Variants in CCDC138 observed in about 807,000 individuals in gnomAD.
The protein encoded by CCDC138 is coiled-coil domain containing 138.
In CCDC138, 66 loss-of-function variants were observed where a neutral mutation model predicts 82.3. That is an observed-to-expected ratio of 0.80 (90% CI 0.66 to 0.98). The LOEUF is 0.98. Ranked by LOEUF, CCDC138 falls within the 50% of genes least tolerant of loss-of-function variation. The pLI is 0.00. For synonymous variants in CCDC138, 297 were observed against 265.4 expected, an observed-to-expected ratio of 1.12 and a Z score of -1.16; for missense variants, 816 against 758.9, an observed-to-expected ratio of 1.08 and a Z score of -0.88.
chr2:108,804,712 G>A (rs1425239412), intron 6 of CCDC138, 177 bp from the exon 7 acceptor site: 1 of 174,902 alleles, frequency 5.7e-6, no homozygotes. Flanking sequence ...TTGTTATCTT[G>A]GTAGATTGCA....
chr2:108,866,095 C>G lies in CCDC138; in HGVS notation c.1694-7356C>G, dbSNP rs115553284. On this transcript the variant is annotated intron_variant, in intron 13 of 14. Transcript: ENST00000295124. ...TGGCTTTGATGTGACTGGTTTCACA[C>G]CTACTGGGATGCAGGAGCCTCTTAA... Among the ~76,000 whole-genome samples the G allele has an allele frequency of 8.9e-3, 1,361 of 152,204 alleles. 14 individuals are homozygous for G. Among genetic ancestry groups the G allele is most frequent in the Non-Finnish European group, 0.013 (916 of 68,008 alleles).
chr2:108,873,912 A>T (rs1695643236), intron 14 of CCDC138, among the ~76,000 whole-genome samples: 2 of 151,760 alleles, frequency 1.3e-5, no homozygotes, highest in Admixed American at 6.6e-5. Flanking sequence ...TTTGATTATT[A>T]AAAAAAAATT....
At chr2:108,869,097 A>G (rs1694860913) in intron 13 of CCDC138, among the ~76,000 whole-genome samples, 2 of 152,262 alleles carry the variant, frequency 1.3e-5, no homozygotes, top group South Asian at 4.2e-4. Context: ...GCAAAATTCA[A>G]ACATCAGCAA....
rs149219807 is a variant in CCDC138, at chr2:108,849,744, C to T, written c.1516+2814C>T. Among the ~76,000 whole-genome samples the T allele has an allele frequency of 1.3e-3, 192 of 152,324 alleles. 3 individuals are homozygous for T. Among genetic ancestry groups the T allele is most frequent in the African/African-American group, 4.5e-3 (188 of 41,546 alleles). ...CAAGAGTTCTCCCTTTCCTTATAGT[C>T]TGGCCTCTCCCAGCCTAGGCACAAG... On this transcript the variant is annotated intron_variant, in intron 12 of 14. Coordinates refer to ENST00000295124, the MANE Select transcript of CCDC138 (RefSeq NM_144978.3).
intron 10 of CCDC138, among the ~76,000 whole-genome samples, chr2:108,824,916 A>G (rs902032699): frequency 6.6e-6 from 1 of 152,194 alleles, no homozygotes; most frequent in East Asian, 1.9e-4. Context: ...GTTGACCGAA[A>G]TGTTATGCAG....
chr2:108,852,081 A>G (rs1036349113), intron 12 of CCDC138, among the ~76,000 whole-genome samples: 2 of 152,160 alleles, frequency 1.3e-5, no homozygotes, highest in Admixed American at 6.5e-5. Context: ...AGCACTTACT[A>G]TGTTATAGGC....
intron 11 of CCDC138, among the ~76,000 whole-genome samples, chr2:108,841,259 A>G (rs1373551512): frequency 6.6e-6 from 1 of 152,190 alleles, no homozygotes; most frequent in African/African-American, 2.4e-5. Flanking sequence ...AGTGTTGCAT[A>G]AATGTCAATT....
intron 13 of CCDC138, among the ~76,000 whole-genome samples, chr2:108,858,741 G>A (rs1319922831): frequency 6.6e-6 from 1 of 151,422 alleles, no homozygotes; most frequent in Non-Finnish European, 1.5e-5. Context: ...ACATGTGCAG[G>A]TGTGTTACAT....
chr2:108,856,883 C>G lies in CCDC138; in HGVS notation c.1606C>G (p.Pro536Ala), dbSNP rs752800868. 1 of 1,612,568 alleles carries G rather than the reference C, an allele frequency of 6.2e-7. No individual in the cohort carries two copies. The highest frequency in any genetic ancestry group is 8.5e-7 in the Non-Finnish European group (1 of 1,179,276). ...KTLFLEYQAV[P>A]VILSHLRISS... ...CTTGTTTTTGGAGTATCAGGCTGTT[C>G]CAGTAATATTAAGTCATCTAAGAAT... Residue 536 changes from proline to alanine, a missense_variant, in exon 13 of 15, where the codon CCA becomes GCA. Pro to Ala is a conservative substitution (Grantham distance 27). Coordinates refer to ENST00000295124, the MANE Select transcript of CCDC138 (RefSeq NM_144978.3).
chr2:108,866,363 A>G (rs1419224948), intron 13 of CCDC138, among the ~76,000 whole-genome samples: 2 of 152,206 alleles, frequency 1.3e-5, no homozygotes, highest in Non-Finnish European at 2.9e-5. Flanking sequence ...CTTATAAGCT[A>G]ACATTCACAG....
chr2:108,854,739 C>G (rs1023291110), intron 12 of CCDC138, among the ~76,000 whole-genome samples: 3 of 152,132 alleles, frequency 2.0e-5, no homozygotes, highest in Admixed American at 6.6e-5. Flanking sequence ...CTTTCTTGGC[C>G]TCTCTCCAGG....
At chr2:108,878,663 T>A (rs1345580944), downstream of CCDC138, among the ~76,000 whole-genome samples, 3 of 152,178 alleles carry the variant, frequency 2.0e-5, no homozygotes, top group African/African-American at 7.2e-5. Flanking sequence ...TTGAAAAAAA[T>A]TGTTTTTAAA....
At chr2:108,816,716 G>A (rs1684868292) in intron 10 of CCDC138, among the ~76,000 whole-genome samples, 1 of 152,152 alleles carries the variant, frequency 6.6e-6, no homozygotes, top group African/African-American at 2.4e-5. Flanking sequence ...TTGTGTTAGA[G>A]ATGGGGTCTC....
Position 108,798,266 on chromosome 2 carries a change from G to A in CCDC138, c.577-162G>A, listed in dbSNP as rs186956732. 2.4e-4 allele frequency: 46 copies of A among 195,616 alleles called. No homozygotes were observed. The East Asian group carries it at 6.5e-3, about 28-fold the overall frequency. The allele number at this position is 195,616 out of a possible 1,614,324, so 12.1% of individuals were successfully genotyped here. A position where few individuals can be genotyped will look rare whatever the true frequency, so the allele number is the denominator to read the frequency against. ...AAATCAAGATATAATTTCTGTGCAA[G>A]TTTACTTGCTATACTAGTCTAGCTA... is the stretch of plus-strand genomic sequence containing the variant. On this transcript the variant is annotated intron_variant, in intron 5 of 14. Coordinates refer to ENST00000295124, the MANE Select transcript of CCDC138 (RefSeq NM_144978.3).
At chr2:108,798,233 A>G (rs1259891370) in intron 5 of CCDC138, among the ~76,000 whole-genome samples, 195 bp from the exon 6 acceptor site, 1 of 152,198 alleles carries the variant, frequency 6.6e-6, no homozygotes, top group Admixed American at 6.5e-5. Context: ...ATAGTGTCAT[A>G]TCATTTAAAA....
chr2:108,832,549 G>T (rs539363829), intron 10 of CCDC138, among the ~76,000 whole-genome samples: 1 of 152,154 alleles, frequency 6.6e-6, no homozygotes, highest in South Asian at 2.1e-4. Flanking sequence ...GTTTCTCCTT[G>T]TTGGTCAGGC....
In CCDC138 at chr2:108,864,793, C is replaced by CAA. The variant is rs148029306; in HGVS notation, c.1693+7840_1693+7841dup. On this transcript the variant is annotated intron_variant, in intron 13 of 14. Transcript: ENST00000295124. The stretch of plus-strand genomic sequence containing the variant: ...TGGGCGACAGAGCGAGACTCCATCT[C>CAA]AAAAAAAAAAAAAAAAAATTAGCTT... Among the ~76,000 whole-genome samples the CAA allele has an allele frequency of 2.5e-3, 308 of 124,924 alleles. 1 individual carries two copies. Among genetic ancestry groups the CAA allele is most frequent in the Admixed American group, 3.3e-3 (40 of 11,972 alleles). 82.0% of individuals were successfully genotyped at this position (124,924 alleles called of 152,430 possible).
At chr2:108,848,589 A>G (rs1690888802) in intron 12 of CCDC138, among the ~76,000 whole-genome samples, 1 of 152,240 alleles carries the variant, frequency 6.6e-6, no homozygotes, top group Admixed American at 6.5e-5. Flanking sequence ...CATATGGCTT[A>G]ATGTATAATA....
intron 13 of CCDC138, 96 bp downstream of exon 13, chr2:108,857,066 CTTTTTTTTTTTTTTTT>C (rs35540493): frequency 2.7e-4 from 12 of 44,066 alleles, no homozygotes; most frequent in Admixed American, 1.0e-3. Flanking sequence ...GATACTATTG[CTTTTTTTTTTTTTTTT>C]TTTTTTTTTT....
Sources: gnomAD v4.1 joint callset for allele counts (sites outside exome capture counted in the v4.1 genomes callset) on GRCh38, gnomAD v4.1.1 for gene constraint, MANE v1.5 for transcripts, NCBI Gene and HGNC (gene_info 2026-07-23, HGNC 2026-07-21) for gene names.